CLASP2: variants seen among roughly 807,000 people sequenced by gnomAD.
The protein encoded by CLASP2 is cytoplasmic linker associated protein 2, also known as CLIP-associating protein 2.
In CLASP2, 47 loss-of-function variants were observed where a neutral mutation model predicts 194.4. That is an observed-to-expected ratio of 0.24 (90% CI 0.19 to 0.31). CLASP2 has a LOEUF of 0.31. Ranked by LOEUF, CLASP2 falls within the 10% of genes least tolerant of loss-of-function variation. The probability of loss-of-function intolerance (pLI) is 1.00; values close to 1 mark genes in which losing one functional copy is unlikely to be tolerated. For missense variants in CLASP2, 1,445 were observed against 1,823.6 expected (o/e 0.79, Z 3.78); for synonymous variants, 619 against 633.5 (o/e 0.98, Z 0.34).
chr3:33,696,923 A>G lies in CLASP2; in HGVS notation c.206T>C (p.Met69Thr), dbSNP rs1207660811. ...VGSSNYRVSL[M>T]GLEILSAFVD... ...AAAGGCACTTAAAATTTCCAATCCC[A>G]TTAATGATACCTACAGATAAAAAGG... Residue 69 changes from methionine to threonine, a missense_variant, in exon 2 of 39, where the codon ATG becomes ACG. This residue lies in a region of CLASP2 where 332 missense variants were observed against 325.3 expected (regional missense o/e 1.02). Coordinates refer to ENST00000682230, the MANE Select transcript of CLASP2 (RefSeq NM_001365631.1). 3 of 1,575,356 alleles carry G rather than the reference A, an allele frequency of 1.9e-6. No individual in the cohort carries two copies. Among genetic ancestry groups the G allele is most frequent in the East Asian group, 2.3e-5 (1 of 44,172 alleles).
Position 33,622,184 on chromosome 3 carries a change from C to T in CLASP2, c.1132G>A (p.Ala378Thr), listed in dbSNP as rs901622387. 2.5e-6 allele frequency: 4 copies of T among 1,604,282 alleles called. No homozygotes were observed. Among genetic ancestry groups the T allele is most frequent in the South Asian group, 1.1e-5 (1 of 89,412 alleles). The change falls in exon 11 of 39, where the codon GCT (alanine) becomes ACT (threonine). Residue 378 changes from alanine (A) to threonine (T), a missense_variant. By Grantham distance (58) the Ala-to-Thr change is moderately conservative. Transcript: ENST00000682230. ...RLLDGALKLS[A>T]KDLRSQVVRE... ...ACCACCTGGGATCTAAGATCCTTAG[C>T]TGAAAGTTTAAGTGCTCCATCCAAC...
At chr3:33,510,995 C>G (rs2049573397) in intron 36 of CLASP2, among the ~76,000 whole-genome samples, 1 of 151,552 alleles carries the variant, frequency 6.6e-6, no homozygotes, top group Non-Finnish European at 1.5e-5. Flanking sequence ...ACACTATTCT[C>G]CCTTCTTGTG....
At chr3:33,575,405 AT>A (rs990056653) in intron 24 of CLASP2, among the ~76,000 whole-genome samples, 3 of 151,324 alleles carry the variant, frequency 2.0e-5, no homozygotes, top group Non-Finnish European at 1.5e-5. Context: ...TAGGAAGCAT[AT>A]TTTTTTTTAA....
At position 33,581,816 on chromosome 3, in the gene CLASP2, C is replaced by A; in HGVS notation, c.2347+5G>T. 1 of 1,606,098 alleles carries A rather than the reference C, an allele frequency of 6.2e-7. No individual in the cohort carries two copies. The highest frequency in any genetic ancestry group is 8.5e-7 in the Non-Finnish European group (1 of 1,173,626). ...AATGCACATAACACCTGCCCGAATA[C>A]GTACCGAGGGGCTGAAAAGAGCGAA... On this transcript the variant is annotated splice_donor_5th_base_variant and intron_variant, in intron 23 of 38. Coordinates refer to ENST00000682230, the MANE Select transcript of CLASP2 (RefSeq NM_001365631.1).
At chr3:33,704,460 T>A (rs187354853) in intron 1 of CLASP2, among the ~76,000 whole-genome samples, 9 of 152,122 alleles carry the variant, frequency 5.9e-5, no homozygotes, top group African/African-American at 2.2e-4. Context: ...AAATAAGATA[T>A]ACAAATGGCA....
At chr3:33,701,856 A>C (rs2092398419) in intron 1 of CLASP2, among the ~76,000 whole-genome samples, 1 of 152,240 alleles carries the variant, frequency 6.6e-6, no homozygotes. Context: ...CTAAAACTAT[A>C]AAACTACTAG....
chr3:33,681,417 A>T (rs2089842143), intron 6 of CLASP2, among the ~76,000 whole-genome samples: 1 of 129,286 alleles, frequency 7.7e-6, no homozygotes, highest in Admixed American at 8.9e-5. Context: ...AACACATCAT[A>T]CTAGAACACA....
intron 34 of CLASP2, among the ~76,000 whole-genome samples, chr3:33,526,355 G>A (rs2054557501): frequency 6.6e-6 from 1 of 152,042 alleles, no homozygotes; most frequent in South Asian, 2.1e-4. Flanking sequence ...AAGAGATTTC[G>A]AACCAACAAA....
chr3:33,715,813 TA>T (rs1217034866), intron 1 of CLASP2, among the ~76,000 whole-genome samples: 1 of 141,214 alleles, frequency 7.1e-6, no homozygotes, highest in Non-Finnish European at 1.5e-5. Context: ...ACACACTTTT[TA>T]AAACAGTTAA....
At chr3:33,612,096 T>G (rs900482384) in intron 12 of CLASP2, 25 bp from the exon 13 acceptor site, 1 of 1,411,704 alleles carries the variant, frequency 7.1e-7, no homozygotes, top group African/African-American at 1.4e-5. Flanking sequence ...TTAGAAAAGG[T>G]TGAAAATACT....
rs71634506 is a variant in CLASP2, at chr3:33,581,035, A to AG, written c.2347+785dup. Among the ~76,000 whole-genome samples the AG allele has an allele frequency of 1.0e-4, 15 of 149,728 alleles. No individual in the cohort carries two copies. The East Asian group carries it at 2.1e-3, about 21-fold the overall frequency. ...CGTCTCAAAAAAAAAAAAAAAAGAA[A>AG]GAAAGAAAAAAAAGAAAAAGAAGAA... On this transcript the variant is annotated intron_variant, in intron 23 of 38. Transcript: ENST00000682230.
intron 8 of CLASP2, among the ~76,000 whole-genome samples, chr3:33,635,961 C>T (rs115470982): frequency 5.9e-5 from 9 of 152,186 alleles, no homozygotes; most frequent in Non-Finnish European, 1.3e-4. Flanking sequence ...GCAATGTTAA[C>T]TACAGAGCCC....
At chr3:33,708,549 T>TATATACATATATACATATATATAC (rs2092838111) in intron 1 of CLASP2, among the ~76,000 whole-genome samples, 4 of 143,078 alleles carry the variant, frequency 2.8e-5, no homozygotes, top group Non-Finnish European at 6.1e-5. Context: ...TATATGTATA[T>TATATACATATATACATATATATAC]ATATATATAT....
At chr3:33,648,573 GT>G (rs1296086247) in intron 7 of CLASP2, among the ~76,000 whole-genome samples, 2 of 151,934 alleles carry the variant, frequency 1.3e-5, no homozygotes, top group African/African-American at 4.8e-5. Context: ...TTCCAATAAG[GT>G]TATGGTTTTT....
intron 23 of CLASP2, among the ~76,000 whole-genome samples, chr3:33,580,980 C>A (rs2065941090): frequency 7.8e-6 from 1 of 127,604 alleles, no homozygotes; most frequent in Admixed American, 9.8e-5. Flanking sequence ...CGTGCCACTG[C>A]ACTCCAGTCT....
At chr3:33,600,605 AC>A (rs1254825280) in intron 18 of CLASP2, among the ~76,000 whole-genome samples, 1 of 152,224 alleles carries the variant, frequency 6.6e-6, no homozygotes, top group Non-Finnish European at 1.5e-5. Flanking sequence ...GCAGTAATCA[AC>A]ACACTGTTAA....
chr3:33,528,431 A>T (rs2055217421), intron 34 of CLASP2, among the ~76,000 whole-genome samples: 1 of 152,168 alleles, frequency 6.6e-6, no homozygotes, highest in Non-Finnish European at 1.5e-5. Flanking sequence ...ATAGTTTTGG[A>T]AGTCCTAGCC....
intron 32 of CLASP2, among the ~76,000 whole-genome samples, chr3:33,539,613 G>A (rs150151331): frequency 7.0e-4 from 107 of 152,256 alleles, no homozygotes; most frequent in Non-Finnish European, 1.3e-3. Flanking sequence ...GGGATTACAG[G>A]CGTGAGCCAC....
intron 34 of CLASP2, among the ~76,000 whole-genome samples, chr3:33,522,658 G>A (rs2053456159): frequency 6.6e-6 from 1 of 152,172 alleles, no homozygotes. Flanking sequence ...AAGTTAAGAT[G>A]TGTATAAATT....
Sources: gnomAD v4.1 joint callset for allele counts (sites outside exome capture counted in the v4.1 genomes callset) on GRCh38, gnomAD v4.1.1 for gene constraint, gnomAD v4.1.1 regional missense constraint, MANE v1.5 for transcripts, NCBI Gene and HGNC (gene_info 2026-07-23, HGNC 2026-07-21) for gene names.